Variants in RALGAPB observed in about 807,000 individuals in gnomAD.
RALGAPB encodes the protein Ral GTPase activating protein non-catalytic subunit beta, also known as ral GTPase-activating protein subunit beta.
RALGAPB carries 25 observed loss-of-function variants against 161.1 expected under a neutral mutation model. The observed-to-expected ratio is 0.16, with a 90% confidence interval of 0.11 to 0.22. The LOEUF (loss-of-function observed/expected upper bound fraction) is 0.22, where lower values mean the gene tolerates loss of function less well. RALGAPB is among the 10% of genes least tolerant of loss of function. The pLI is 1.00. For synonymous variants in RALGAPB, 629 were observed against 626.1 expected, an observed-to-expected ratio of 1.00 and a Z score of -0.07; for missense variants, 1,391 against 1,815.2, an observed-to-expected ratio of 0.77 and a Z score of 4.25.
In RALGAPB at chr20:38,515,981, C is replaced by T. The variant is rs536926858; in HGVS notation, c.873-211C>T. Among the ~76,000 whole-genome samples the T allele has an allele frequency of 5.3e-5, 8 of 152,306 alleles. No individual in the cohort carries two copies. The East Asian group carries it at 1.2e-3, about 22-fold the overall frequency. On this transcript the variant is annotated intron_variant, in intron 6 of 29. Transcript: ENST00000262879. ...TTTTTTCTAGTCTTACTTTGATTCT[C>T]ATGCTTGGAGTAGGCAATGTTCATG...
At chr20:38,513,049 C>T (rs2086011804) in intron 6 of RALGAPB, among the ~76,000 whole-genome samples, 1 of 152,054 alleles carries the variant, frequency 6.6e-6, no homozygotes, top group Admixed American at 6.5e-5. Flanking sequence ...CTTGAGCCAC[C>T]ACGCCCGGCC....
At position 38,551,087 on chromosome 20, in the gene RALGAPB, C is replaced by T. The variant is rs1568967916; in HGVS notation, c.3026C>T (p.Pro1009Leu). 1 of 1,613,870 alleles carries T rather than the reference C, an allele frequency of 6.2e-7. No individual in the cohort carries two copies. Among genetic ancestry groups the T allele is most frequent in the Non-Finnish European group, 8.5e-7 (1 of 1,179,838 alleles). Reference sequence around the variant, plus strand: ...TTTTAACAGCTTTTTGTACCTGAACCTCGCCCAGTTCCTAAAAATGACGTT... The same window carrying T: ...TTTTAACAGCTTTTTGTACCTGAACTTCGCCCAGTTCCTAAAAATGACGTT... ...KANQKLFVPE[P>L]RPVPKNDVGF... The change falls in exon 21 of 30, where the codon CCT becomes CTT. Residue 1009 changes from proline to leucine, a missense_variant. Transcript: ENST00000262879.
At chr20:38,511,022 A>G (rs568970340) in intron 6 of RALGAPB, among the ~76,000 whole-genome samples, 6 of 151,934 alleles carry the variant, frequency 3.9e-5, no homozygotes, top group Non-Finnish European at 7.4e-5. Context: ...TCAACAGATG[A>G]CTCCATTAGG....
At chr20:38,502,064 G>T (rs2085612345) in intron 5 of RALGAPB, among the ~76,000 whole-genome samples, 1 of 152,126 alleles carries the variant, frequency 6.6e-6, no homozygotes. Context: ...AATAGGTAAA[G>T]AAATGTAAAC....
intron 24 of RALGAPB, among the ~76,000 whole-genome samples, chr20:38,563,333 GTTTTGTC>G (rs979595809): frequency 3.1e-4 from 47 of 152,100 alleles, no homozygotes; most frequent in African/African-American, 1.1e-3. Flanking sequence ...TAACAAGCAT[GTTTTGTC>G]TAATAAGTAG....
chr20:38,553,883 A>G lies in RALGAPB; in HGVS notation c.3179A>G (p.Glu1060Gly). ...TTATTACAGTTAGAAGAGAGACACG[A>G]AAAATTAAGGAGTGGCATGGCCCAG... Reference protein sequence around the residue: ...IVTEELEERHEKLRSGMAQQI... With the variant: ...IVTEELEERHGKLRSGMAQQI... Residue 1060 changes from glutamate to glycine, a missense_variant, in exon 22 of 30, where the codon GAA (glutamate) becomes GGA (glycine). Glu to Gly is a moderately conservative substitution (Grantham distance 98, BLOSUM62 -2). Coordinates refer to ENST00000262879, the MANE Select transcript of RALGAPB (RefSeq NM_020336.4). 1 of 1,612,070 alleles carries G rather than the reference A, an allele frequency of 6.2e-7. No homozygotes were observed. Among genetic ancestry groups the G allele is most frequent in the East Asian group, 2.2e-5 (1 of 44,882 alleles).
intron 21 of RALGAPB, 66 bp from the exon 22 acceptor site, chr20:38,553,801 A>AAAAAAAAAAAAAT (rs1555883671): frequency 1.2e-6 from 1 of 861,156 alleles, no homozygotes; most frequent in African/African-American, 1.8e-5. Flanking sequence ...AAAAAAAAAA[A>AAAAAAAAAAAAAT]CACTTAAGAT....
At chr20:38,494,083 A>G (rs2085347382) in intron 3 of RALGAPB, among the ~76,000 whole-genome samples, 1 of 152,162 alleles carries the variant, frequency 6.6e-6, no homozygotes, top group Non-Finnish European at 1.5e-5. Context: ...ACTCAGGCCC[A>G]CAGCGATCAC....
At chr20:38,548,281 A>G (rs1194314347) in intron 19 of RALGAPB, among the ~76,000 whole-genome samples, 1 of 152,176 alleles carries the variant, frequency 6.6e-6, no homozygotes, top group Admixed American at 6.5e-5. Flanking sequence ...CTGTCTTTCT[A>G]CACTTAAGTT....
intron 5 of RALGAPB, among the ~76,000 whole-genome samples, chr20:38,503,867 C>T (rs368315614): frequency 1.3e-5 from 2 of 152,170 alleles, no homozygotes; most frequent in African/African-American, 4.8e-5. Flanking sequence ...AGTCACCTTC[C>T]TGATCAGTCT....
At chr20:38,567,299 C>G (rs1351959823) in intron 26 of RALGAPB, 67 bp downstream of exon 26, 3 of 1,551,694 alleles carry the variant, frequency 1.9e-6, no homozygotes, top group East Asian at 2.3e-5. Context: ...AGAATCCTGC[C>G]TGAAAAGCTT....
chr20:38,516,977 C>T (rs1022123267), intron 7 of RALGAPB, among the ~76,000 whole-genome samples: 1 of 152,172 alleles, frequency 6.6e-6, no homozygotes, highest in Non-Finnish European at 1.5e-5. Context: ...TTGGCTGCCA[C>T]GTAACAACCA....
intron 5 of RALGAPB, among the ~76,000 whole-genome samples, chr20:38,508,182 C>T (rs926348309): frequency 2.4e-4 from 37 of 151,668 alleles, no homozygotes; most frequent in African/African-American, 8.9e-4. Flanking sequence ...GTGTATATGT[C>T]AAACATATTA....
chr20:38,550,988 A>G (rs1422197570), intron 20 of RALGAPB, 83 bp from the exon 21 acceptor site: 3 of 1,461,472 alleles, frequency 2.1e-6, no homozygotes, highest in Non-Finnish European at 2.8e-6. Context: ...AAACACAGGC[A>G]TCTAAGAGAC....
chr20:38,482,975 C>T (rs373930032), intron 1 of RALGAPB, among the ~76,000 whole-genome samples: 1 of 152,192 alleles, frequency 6.6e-6, no homozygotes, highest in Admixed American at 6.5e-5. Context: ...GTAGCCCCAA[C>T]ACCAGGATCC....
At chr20:38,564,826 CTCTCTCTCT>C (rs1242479899) in intron 24 of RALGAPB, among the ~76,000 whole-genome samples, 2 of 151,726 alleles carry the variant, frequency 1.3e-5, no homozygotes, top group Non-Finnish European at 2.9e-5. Context: ...CACATGTGCA[CTCTCTCTCT>C]TCTCTCTCTT....
At chr20:38,499,119 CAT>C (rs1209237852) in intron 4 of RALGAPB, among the ~76,000 whole-genome samples, 1 of 152,136 alleles carries the variant, frequency 6.6e-6, no homozygotes, top group African/African-American at 2.4e-5. Flanking sequence ...GAAACTGACT[CAT>C]AGTAGTCAGT....
intron 1 of RALGAPB, among the ~76,000 whole-genome samples, chr20:38,480,357 TC>T (rs2084929763): frequency 6.8e-6 from 1 of 147,084 alleles, no homozygotes; most frequent in African/African-American, 2.4e-5. Context: ...AAGTTTCCTT[TC>T]TTTTATGTAT....
In RALGAPB at chr20:38,497,570, C is replaced by T. The variant is rs2085464135; in HGVS notation, c.553+54C>T. The T allele has an allele frequency of 3.9e-6, 6 of 1,542,348 alleles. No individual in the cohort carries two copies. The South Asian group carries it at 6.1e-5, about 16-fold the overall frequency. ...TTTCTGAGCTCCAAATACAGTTCAT[C>T]TTTAAACTCAGTGAGCGGTAGACTC... On this transcript the variant is annotated intron_variant, in intron 4 of 29. Transcript: ENST00000262879.
Sources: allele counts gnomAD v4.1 joint callset (sites outside exome capture counted in the v4.1 genomes callset), GRCh38; gene constraint gnomAD v4.1.1; transcripts MANE v1.5; gene names NCBI Gene and HGNC (gene_info 2026-07-23, HGNC 2026-07-21).